The following HS6ST3 variants were observed in gnomAD, a reference collection of about 807,000 sequenced individuals.
HS6ST3 encodes the protein heparan-sulfate 6-O-sulfotransferase 3.
Under a neutral mutation model 36.7 loss-of-function variants are expected in HS6ST3, and 12 were observed. The observed-to-expected ratio is 0.33, with a 90% CI of 0.21 to 0.53. The LOEUF is 0.53. Among genes scored for constraint, HS6ST3 ranks in the 20% least tolerant of loss-of-function variants. HS6ST3 has a pLI of 0.95. For missense variants in HS6ST3, 584 were observed against 640.9 expected (o/e 0.91, Z 0.96); for synonymous variants, 240 against 257.5 (o/e 0.93, Z 0.65).
At chr13:96,449,459 A>ACTTCTCATGAT (rs1015852209) in intron 1 of HS6ST3, among the ~76,000 whole-genome samples, 2 of 152,168 alleles carry the variant, frequency 1.3e-5, no homozygotes, top group African/African-American at 4.8e-5. Flanking sequence ...AAGGGAGGAT[A>ACTTCTCATGAT]CTTCTCATGA....
chr13:96,272,571 G>C (rs2054726358), intron 1 of HS6ST3, among the ~76,000 whole-genome samples: 1 of 151,862 alleles, frequency 6.6e-6, no homozygotes, highest in Non-Finnish European at 1.5e-5. Context: ...GAAAATTCTG[G>C]GTGGGGGAGA....
intron 1 of HS6ST3, among the ~76,000 whole-genome samples, chr13:96,688,087 G>T (rs1374168048): frequency 6.6e-6 from 1 of 150,764 alleles, no homozygotes; most frequent in South Asian, 2.1e-4. Context: ...GGGGGGGGGG[G>T]AGGGATAGCA....
At chr13:96,360,942 T>TC (rs71113993) in intron 1 of HS6ST3, among the ~76,000 whole-genome samples, 5,473 of 88,654 alleles carry the variant, frequency 0.062, 210 homozygotes, top group Middle Eastern at 0.09. Flanking sequence ...CAAGACCCTG[T>TC]CCCAAAAAAA....
intron 1 of HS6ST3, among the ~76,000 whole-genome samples, chr13:96,186,290 G>T (rs1033283397): frequency 6.6e-6 from 1 of 152,172 alleles, no homozygotes; most frequent in Non-Finnish European, 1.5e-5. Flanking sequence ...CTCATCTACA[G>T]TTCAGCCTGA....
intron 1 of HS6ST3, among the ~76,000 whole-genome samples, chr13:96,472,836 T>G (rs1234251622): frequency 6.6e-6 from 1 of 152,178 alleles, no homozygotes; most frequent in East Asian, 1.9e-4. Context: ...ATTGGTTACT[T>G]GTAAGACAGT....
chr13:96,822,829 TC>T (rs1344323529), intron 1 of HS6ST3, among the ~76,000 whole-genome samples: 9 of 152,258 alleles, frequency 5.9e-5, no homozygotes, highest in Non-Finnish European at 1.3e-4. Flanking sequence ...GTGAGGGACC[TC>T]CATCTTTCTG....
chr13:96,433,023 A>G (rs1338030627), intron 1 of HS6ST3, among the ~76,000 whole-genome samples: 2 of 152,240 alleles, frequency 1.3e-5, no homozygotes, highest in African/African-American at 2.4e-5. Flanking sequence ...GCTAATAAAT[A>G]GTAAGAAAAA....
At chr13:96,619,373 G>T (rs1300440007) in intron 1 of HS6ST3, among the ~76,000 whole-genome samples, 1 of 152,192 alleles carries the variant, frequency 6.6e-6, no homozygotes, top group Non-Finnish European at 1.5e-5. Context: ...GTTCTGGAAT[G>T]TAGAGTTATC....
chr13:96,727,004 C>A (rs578029559), intron 1 of HS6ST3, among the ~76,000 whole-genome samples: 4 of 152,264 alleles, frequency 2.6e-5, no homozygotes, highest in African/African-American at 9.6e-5. Context: ...TCTAACTATT[C>A]TTAGATCCCT....
intron 1 of HS6ST3, among the ~76,000 whole-genome samples, chr13:96,311,757 A>G (rs912450165): frequency 1.2e-4 from 18 of 152,170 alleles, no homozygotes; most frequent in African/African-American, 4.1e-4. Context: ...AGATTTTCCA[A>G]GGGCTGGGTA....
chr13:96,272,710 G>A (rs1013144911), intron 1 of HS6ST3, among the ~76,000 whole-genome samples: 1 of 151,864 alleles, frequency 6.6e-6, no homozygotes, highest in African/African-American at 2.4e-5. Flanking sequence ...TAGACTATAA[G>A]CTATACAGTT....
At chr13:96,690,514 G>C (rs1377105741) in intron 1 of HS6ST3, among the ~76,000 whole-genome samples, 1 of 152,020 alleles carries the variant, frequency 6.6e-6, no homozygotes, top group East Asian at 1.9e-4. Flanking sequence ...GGACCTGCAT[G>C]GATCATTCTG....
intron 1 of HS6ST3, among the ~76,000 whole-genome samples, chr13:96,449,644 C>T (rs949980490): frequency 1.3e-5 from 2 of 152,144 alleles, no homozygotes; most frequent in African/African-American, 2.4e-5. Context: ...TATATACGTG[C>T]ATATGTAAAT....
At chr13:96,427,809 C>A (rs1012292835) in intron 1 of HS6ST3, among the ~76,000 whole-genome samples, 2 of 152,120 alleles carry the variant, frequency 1.3e-5, no homozygotes, top group African/African-American at 4.8e-5. Flanking sequence ...TCCTTTGACT[C>A]CTACAATCTG....
intron 1 of HS6ST3, among the ~76,000 whole-genome samples, chr13:96,704,334 T>G (rs1875364702): frequency 6.6e-6 from 1 of 152,174 alleles, no homozygotes; most frequent in East Asian, 1.9e-4. Flanking sequence ...ACATACAATA[T>G]GGAACTGGTC....
chr13:96,331,886 C>T (rs1049616493), intron 1 of HS6ST3, among the ~76,000 whole-genome samples: 1 of 152,208 alleles, frequency 6.6e-6, no homozygotes, highest in Non-Finnish European at 1.5e-5. Context: ...TCTCGTGGTG[C>T]GCCGTTTTTT....
chr13:96,249,023 T>C (rs2054596279), intron 1 of HS6ST3, among the ~76,000 whole-genome samples: 1 of 152,144 alleles, frequency 6.6e-6, no homozygotes, highest in Non-Finnish European at 1.5e-5. Flanking sequence ...CATTTCCTCC[T>C]CCTGTCTTCT....
chr13:96,773,713 A>G (rs2138509161), intron 1 of HS6ST3, among the ~76,000 whole-genome samples: 1 of 152,268 alleles, frequency 6.6e-6, no homozygotes, highest in South Asian at 2.1e-4. Flanking sequence ...CCTCCCTGGG[A>G]CAGAGCACCT....
chr13:96,158,919 C>A (rs950988535), intron 1 of HS6ST3, among the ~76,000 whole-genome samples: 2 of 151,958 alleles, frequency 1.3e-5, no homozygotes, highest in African/African-American at 4.8e-5. Context: ...GATGACTGAG[C>A]AGGAGGTCTG....
Sources: allele counts gnomAD v4.1 joint callset (sites outside exome capture counted in the v4.1 genomes callset), GRCh38; gene constraint gnomAD v4.1.1; transcripts MANE v1.5; gene names NCBI Gene and HGNC (gene_info 2026-07-23, HGNC 2026-07-21).